Variants in P4HA1 observed in about 807,000 individuals in gnomAD.
P4HA1 encodes prolyl 4-hydroxylase subunit alpha-1.
A neutral mutation model predicts 72.8 loss-of-function variants in P4HA1; 24 were observed. The observed-to-expected ratio is 0.33, with a 90% CI of 0.24 to 0.46. The LOEUF is 0.46. Ranked by LOEUF, P4HA1 falls within the 20% of genes least tolerant of loss-of-function variation. The pLI, the probability that P4HA1 is intolerant of heterozygous loss-of-function variation, is 1.00. For synonymous variants in P4HA1, 201 were observed against 218.8 expected, an observed-to-expected ratio of 0.92 and a Z score of 0.72; for missense variants, 446 against 640.6, an observed-to-expected ratio of 0.70 and a Z score of 3.28.
intron 1 of P4HA1, among the ~76,000 whole-genome samples, chr10:73,092,450 A>G (rs1458572610): frequency 6.7e-6 from 1 of 148,848 alleles, no homozygotes; most frequent in African/African-American, 2.5e-5. Context: ...CTTGGGCTCA[A>G]GCGACCCTCC....
chr10:73,049,651 T>C (rs529535769), intron 7 of P4HA1, among the ~76,000 whole-genome samples: 1 of 152,286 alleles, frequency 6.6e-6, no homozygotes, highest in East Asian at 1.9e-4. Flanking sequence ...TATAAATACA[T>C]ATACAATAAA....
intron 1 of P4HA1, among the ~76,000 whole-genome samples, chr10:73,093,367 A>G (rs943914674): frequency 1.3e-5 from 2 of 152,154 alleles, no homozygotes; most frequent in African/African-American, 4.8e-5. Context: ...AAGGAAGACC[A>G]GGAAAAAGAA....
At chr10:73,093,019 C>T (rs1349227359) in intron 1 of P4HA1, among the ~76,000 whole-genome samples, 19 of 151,524 alleles carry the variant, frequency 1.3e-4, no homozygotes, top group Admixed American at 1.3e-3. Flanking sequence ...CACCCGGAGG[C>T]TGAGGCAGAA....
chr10:73,028,523 C>A (rs1011358236), intron 10 of P4HA1, among the ~76,000 whole-genome samples: 6 of 152,068 alleles, frequency 3.9e-5, no homozygotes, highest in African/African-American at 1.4e-4. Context: ...CCTCCACCTC[C>A]TGGGTTCAAG....
intron 9 of P4HA1, among the ~76,000 whole-genome samples, chr10:73,035,066 G>A (rs1267322490): frequency 6.6e-6 from 1 of 152,114 alleles, no homozygotes; most frequent in Non-Finnish European, 1.5e-5. Flanking sequence ...GAACATAGGT[G>A]TGCAAGTATA....
intron 9 of P4HA1, among the ~76,000 whole-genome samples, chr10:73,042,262 T>C (rs969192411): frequency 3.9e-5 from 6 of 152,098 alleles, no homozygotes; most frequent in African/African-American, 1.4e-4. Flanking sequence ...CCAAGACGTG[T>C]ATAGTAACGT....
chr10:73,068,513 C>G (rs1841477244), intron 5 of P4HA1, among the ~76,000 whole-genome samples: 1 of 152,148 alleles, frequency 6.6e-6, no homozygotes, highest in South Asian at 2.1e-4. Flanking sequence ...TCCCTTATAG[C>G]TTTACATACA....
chr10:73,013,460 G>A (rs1839950828), intron 12 of P4HA1, among the ~76,000 whole-genome samples: 1 of 152,170 alleles, frequency 6.6e-6, no homozygotes, highest in Non-Finnish European at 1.5e-5. Context: ...CTCAACCTTA[G>A]CCTTCAAGAT....
At chr10:73,013,938 C>T (rs1006743323) in intron 12 of P4HA1, among the ~76,000 whole-genome samples, 1 of 151,988 alleles carries the variant, frequency 6.6e-6, no homozygotes, top group African/African-American at 2.4e-5. Context: ...TTTATATACA[C>T]ATATTATATA....
chr10:73,086,229 A>G (rs774067971), intron 1 of P4HA1, among the ~76,000 whole-genome samples: 1 of 152,276 alleles, frequency 6.6e-6, no homozygotes, highest in Non-Finnish European at 1.5e-5. Flanking sequence ...CTTTTGCATG[A>G]ATGTTCACGG....
intron 10 of P4HA1, among the ~76,000 whole-genome samples, chr10:73,025,527 T>C (rs1840245128): frequency 6.6e-6 from 1 of 151,972 alleles, no homozygotes; most frequent in Non-Finnish European, 1.5e-5. Flanking sequence ...GGGCAAAAAC[T>C]GGAAGCACTG....
At chr10:73,027,129 C>G (rs1295632598) in intron 10 of P4HA1, among the ~76,000 whole-genome samples, 2 of 152,176 alleles carry the variant, frequency 1.3e-5, no homozygotes, top group Non-Finnish European at 2.9e-5. Context: ...AATCATGCTA[C>G]TATAAAGACA....
intron 1 of P4HA1, among the ~76,000 whole-genome samples, chr10:73,088,012 T>A (rs1011600231): frequency 6.6e-6 from 1 of 152,188 alleles, no homozygotes; most frequent in African/African-American, 2.4e-5. Context: ...ATTTTTGTCC[T>A]ATGTTTTCTT....
chr10:73,084,907 A>C (rs1356907259), intron 1 of P4HA1, among the ~76,000 whole-genome samples: 1 of 152,224 alleles, frequency 6.6e-6, no homozygotes, highest in East Asian at 1.9e-4. Context: ...TGGGAGGCCA[A>C]GATGGAAGGA....
At chr10:73,064,989 T>C (rs1274011770) in intron 5 of P4HA1, 2 of 152,194 alleles carry the variant, frequency 1.3e-5, no homozygotes, top group African/African-American at 2.4e-5. Flanking sequence ...GGGATAATTA[T>C]GTTTAAAATG....
In P4HA1 at chr10:73,091,167, CAAAAAAAT is replaced by C. The variant is rs1001173017; in HGVS notation, c.-33+5591_-33+5598del. On this transcript the variant is annotated intron_variant, in intron 1 of 14. Transcript: ENST00000394890. ...CTATGAATATGTTGCCTGAGTTTAC[CAAAAAAAT>C]AAATAAATAAATAAATAAATAAATA... Among the ~76,000 whole-genome samples the C allele has an allele frequency of 7.7e-5, 11 of 143,196 alleles. No homozygotes were observed. In the East Asian group the frequency reaches 2.1e-3, roughly 28 times the overall value. The allele number at this position is 143,196 out of a possible 152,430, so 93.9% of individuals were successfully genotyped here. A position where few individuals can be genotyped will look rare whatever the true frequency, so the allele number is the denominator to read the frequency against.
chr10:73,029,706 A>G (rs1450403159), intron 10 of P4HA1, among the ~76,000 whole-genome samples: 1 of 151,622 alleles, frequency 6.6e-6, no homozygotes, highest in African/African-American at 2.4e-5. Flanking sequence ...TTTATTCCCT[A>G]TAACTAACAT....
chr10:73,069,803 A>C lies in P4HA1; in HGVS notation c.326-820T>G, dbSNP rs142161310. Reference sequence around the variant, plus strand: ...CTCTCTTCTCATTAACTTATAATCAACTGTTTTGTTTTTTTTTTTTTGAGA... The same window carrying C: ...CTCTCTTCTCATTAACTTATAATCACCTGTTTTGTTTTTTTTTTTTTGAGA... On this transcript the variant is annotated intron_variant, in intron 4 of 14. Transcript: ENST00000394890. Among the ~76,000 whole-genome samples the C allele has an allele frequency of 5.2e-3, 771 of 148,416 alleles. 30 individuals carry two copies. The highest frequency in any genetic ancestry group is 0.046 in the Admixed American group (698 of 15,120).
intron 6 of P4HA1, among the ~76,000 whole-genome samples, chr10:73,053,055 A>C (rs1468292962): frequency 6.6e-6 from 1 of 152,252 alleles, no homozygotes; most frequent in Non-Finnish European, 1.5e-5. Flanking sequence ...GAAACTGATT[A>C]AAATGGCAAC....
Sources: allele counts gnomAD v4.1 joint callset (sites outside exome capture counted in the v4.1 genomes callset), GRCh38; gene constraint gnomAD v4.1.1; transcripts MANE v1.5; gene names NCBI Gene and HGNC (gene_info 2026-07-23, HGNC 2026-07-21).